Variants in FAM217B observed in about 807,000 individuals in gnomAD.
The protein encoded by FAM217B is protein FAM217B.
For missense variants in FAM217B, 463 were observed against 456.9 expected (o/e 1.01, Z -0.12); for synonymous variants, 163 against 173.0 (o/e 0.94, Z 0.45).
Position 59,944,017 on chromosome 20 carries a change from A to G in FAM217B, c.74A>G (p.Gln25Arg). 1 of 1,614,104 alleles carries G rather than the reference A, an allele frequency of 6.2e-7. No homozygotes were observed. Among genetic ancestry groups the G allele is most frequent in the Non-Finnish European group, 8.5e-7 (1 of 1,179,996 alleles). The change falls in exon 4 of 4, where the codon CAA (glutamine) becomes CGA (arginine). Residue 25 changes from glutamine (Q) to arginine (R), a missense_variant. Transcript: ENST00000360816. ...TCAGGAAAAAGGCAGAGTAAATCCC[A>G]AGTACCCCACGCTTCTTCCCAGCCG... ...NSSGKRQSKSQVPHASSQPRS... is the reference protein window; with the variant it reads ...NSSGKRQSKSRVPHASSQPRS...
At chr20:59,943,284 T>C (rs541844807) in intron 3 of FAM217B, among the ~76,000 whole-genome samples, 2 of 152,340 alleles carry the variant, frequency 1.3e-5, no homozygotes, top group African/African-American at 4.8e-5. Flanking sequence ...TTTTCATTCA[T>C]ATGTGTTACA....
In FAM217B at chr20:59,945,088, T is replaced by C; in HGVS notation, c.1145T>C (p.Leu382Pro). 6.3e-7 allele frequency: 1 copy of C among 1,576,202 alleles called. No individual in the cohort carries two copies. The highest frequency in any genetic ancestry group is 1.4e-5 in the African/African-American group (1 of 72,892). ...GGAGTAAAGCAAAACACATATAAAC[T>C]AAAATAAATATCTAAAATGCTGAAT... ...TNGVKQNTYKLK is the reference protein window; with the variant it reads ...TNGVKQNTYKPK Residue 382 changes from leucine to proline, a missense_variant, in exon 4 of 4, where the codon CTA (leucine) becomes CCA (proline). Coordinates refer to ENST00000360816, the MANE Select transcript of FAM217B (RefSeq NM_022106.3).
At chr20:59,933,852 A>G (rs1306220552) in exon 1 of FAM217B, 1 of 138,050 alleles carries the variant, frequency 7.2e-6, no homozygotes, top group Non-Finnish European at 1.5e-5. Context: ...CCAGGCCCTC[A>G]GGTTAGTGGG....
upstream of FAM217B, chr20:59,938,879 T>C (rs1010883839): frequency 9.1e-6 from 6 of 659,136 alleles, no homozygotes; most frequent in African/African-American, 9.2e-5. Context: ...GAAGACAGGA[T>C]GGGCCACTGC....
chr20:59,939,320 C>T (rs773249476), upstream of FAM217B: 5 of 1,611,926 alleles, frequency 3.1e-6, no homozygotes, highest in African/African-American at 1.3e-5. Flanking sequence ...AGCGCACAGC[C>T]ACCTGCTTCT....
rs1347444273 is a variant in FAM217B at position 59,944,567 on chromosome 20, C to T, written c.624C>T (p.Pro208=). The change falls in exon 4 of 4, where the codon CCC becomes CCT. Residue 208 remains proline, a synonymous_variant. Coordinates refer to ENST00000360816, the MANE Select transcript of FAM217B (RefSeq NM_022106.3). The part of the protein sequence containing the change: ...CEKAKGGKAR[P]PTAPGTSGAL... ...AAGCAAAGGGGGGCAAAGCAAGGCC[C>T]CCCACTGCCCCTGGGACCTCAGGGG... 2 of 1,613,858 alleles carry T rather than the reference C, an allele frequency of 1.2e-6. No individual in the cohort carries two copies. Among genetic ancestry groups the T allele is most frequent in the Non-Finnish European group, 1.7e-6 (2 of 1,180,006 alleles).
At chr20:59,934,134 G>A (rs1462088914) in intron 1 of FAM217B, among the ~76,000 whole-genome samples, 3 of 152,250 alleles carry the variant, frequency 2.0e-5, no homozygotes, top group Non-Finnish European at 4.4e-5. Context: ...CCAGGGCGCC[G>A]GGCCGACGAC....
In FAM217B at chr20:59,946,121, G is replaced by T. The variant is rs921312756; in HGVS notation, c.*1026G>T. 1.3e-4 allele frequency: 22 copies of T among 167,020 alleles called. No individual in the cohort carries two copies. The highest frequency in any genetic ancestry group is 4.8e-4 in the African/African-American group (20 of 41,426). 10.3% of individuals were successfully genotyped at this position (167,020 alleles called of 1,614,324 possible). ...GCAGGATTTTATTATTTTGCTTGGG[G>T]TGAGGGGCGGGAGAGTGGAATATGA... On this transcript the variant is annotated 3_prime_UTR_variant, in exon 4 of 4. Transcript: ENST00000360816.
chr20:59,939,126 TTGTCCC>T, upstream of FAM217B: 1 of 1,470,502 alleles, frequency 6.8e-7, no homozygotes, highest in Non-Finnish European at 9.1e-7. Context: ...GTGGTCGTTG[TTGTCCC>T]AGTACTCGGC....
chr20:59,939,027 G>A (rs774011048), upstream of FAM217B: 2 of 1,511,622 alleles, frequency 1.3e-6, no homozygotes, highest in East Asian at 2.4e-5. Flanking sequence ...CGGTCCCCGC[G>A]CGGCTCAGAT....
At chr20:59,934,426 G>A (rs900806362) in intron 1 of FAM217B, among the ~76,000 whole-genome samples, 1 of 152,208 alleles carries the variant, frequency 6.6e-6, no homozygotes, top group Non-Finnish European at 1.5e-5. Flanking sequence ...GTCGGTGTTC[G>A]GCGCTCAGTC....
rs150279368 is a variant in FAM217B at position 59,943,824 on chromosome 20, C to T, written c.-4-116C>T. The T allele has an allele frequency of 1.5e-3, 1,169 of 795,012 alleles. 17 individuals carry two copies. In the African/African-American group the frequency reaches 0.019, roughly 13 times the overall value. 49.2% of individuals were successfully genotyped at this position (795,012 alleles called of 1,614,324 possible). ...TTTGGAAGCTGACATTTTCTAATGC[C>T]TACTAATAGCTGAGACAAAAAAAAG... On this transcript the variant is annotated intron_variant, in intron 3 of 3. Transcript: ENST00000360816.
In FAM217B at chr20:59,944,112, A is replaced by G; in HGVS notation, c.169A>G (p.Arg57Gly). ...TAAAGAAAGCATTTCCCCGGAAGCAAGACGCAAAAGGAATCCACTCGGTTC... is the reference window on the plus strand; with the variant it reads ...TAAAGAAAGCATTTCCCCGGAAGCAGGACGCAAAAGGAATCCACTCGGTTC... ...KLKESISPEA[R>G]RKRNPLGSRC... The change falls in exon 4 of 4, where the codon AGA becomes GGA. Residue 57 changes from arginine to glycine, a missense_variant. Transcript: ENST00000360816. 6.2e-7 allele frequency: 1 copy of G among 1,614,152 alleles called. No homozygotes were observed. Among genetic ancestry groups the G allele is most frequent in the Non-Finnish European group, 8.5e-7 (1 of 1,180,012 alleles).
Position 59,947,076 on chromosome 20 carries a change from T to C in FAM217B, c.*1981T>C, listed in dbSNP as rs1601051972. 6.0e-6 allele frequency: 1 copy of C among 167,172 alleles called. No individual in the cohort carries two copies. The highest frequency in any genetic ancestry group is 1.5e-5 in the Non-Finnish European group (1 of 68,150). 10.4% of individuals were successfully genotyped at this position (167,172 alleles called of 1,614,324 possible). ...CTCCTTATGTTAATACTAAAGTGTT[T>C]ATGCTGAGTTGCTGCCTTTCCCCGT... On this transcript the variant is annotated 3_prime_UTR_variant, in exon 4 of 4. Transcript: ENST00000360816.
Position 59,944,659 on chromosome 20 carries a change from A to G in FAM217B, c.716A>G (p.Glu239Gly). 1 of 1,614,114 alleles carries G rather than the reference A, an allele frequency of 6.2e-7. No individual in the cohort carries two copies. Among genetic ancestry groups the G allele is most frequent in the Non-Finnish European group, 8.5e-7 (1 of 1,180,030 alleles). Reference protein sequence around the residue: ...SALSKPLPHQEGASKSGPSRK... With the variant: ...SALSKPLPHQGGASKSGPSRK... ...CTGTCCAAGCCACTACCTCACCAGG[A>G]AGGGGCTTCAAAGTCAGGCCCTTCC... Residue 239 changes from glutamate to glycine, a missense_variant, in exon 4 of 4, where the codon GAA becomes GGA. Coordinates refer to ENST00000360816, the MANE Select transcript of FAM217B (RefSeq NM_022106.3).
rs1226435100 is a variant in FAM217B at position 59,944,650 on chromosome 20, C to T, written c.707C>T (p.Pro236Leu). Reference sequence around the variant, plus strand: ...GCTAGTGCTCTGTCCAAGCCACTACCTCACCAGGAAGGGGCTTCAAAGTCA... The same window carrying T: ...GCTAGTGCTCTGTCCAAGCCACTACTTCACCAGGAAGGGGCTTCAAAGTCA... ...LIASALSKPL[P>L]HQEGASKSGP... Residue 236 changes from proline (P) to leucine (L), a missense_variant, in exon 4 of 4, where the codon CCT becomes CTT. Transcript: ENST00000360816. The T allele has an allele frequency of 3.1e-6, 5 of 1,613,998 alleles. No individual in the cohort carries two copies. In the Admixed American group the frequency reaches 6.7e-5, roughly 22 times the overall value.
At chr20:59,943,548 A>G (rs921376013) in intron 3 of FAM217B, among the ~76,000 whole-genome samples, 2 of 152,214 alleles carry the variant, frequency 1.3e-5, no homozygotes, top group Non-Finnish European at 2.9e-5. Flanking sequence ...TCTGAATGTT[A>G]TTAAATGCTT....
upstream of FAM217B, among the ~76,000 whole-genome samples, chr20:59,936,516 A>T (rs1279969576): frequency 6.6e-6 from 1 of 152,236 alleles, no homozygotes; most frequent in Non-Finnish European, 1.5e-5. Context: ...CTGCCTGCAC[A>T]GTGTCATTAA....
chr20:59,934,425 C>T (rs1279361788), intron 1 of FAM217B, among the ~76,000 whole-genome samples: 2 of 152,170 alleles, frequency 1.3e-5, no homozygotes, highest in African/African-American at 4.8e-5. Context: ...CGTCGGTGTT[C>T]GGCGCTCAGT....
Sources: allele counts gnomAD v4.1 joint callset (sites outside exome capture counted in the v4.1 genomes callset), GRCh38; gene constraint gnomAD v4.1.1; transcripts MANE v1.5; gene names NCBI Gene and HGNC (gene_info 2026-07-23, HGNC 2026-07-21).